The following CEPT1 variants were observed in gnomAD, a reference collection of about 807,000 sequenced individuals.
CEPT1 encodes choline/ethanolaminephosphotransferase 1.
Under a neutral mutation model 42.6 loss-of-function variants are expected in CEPT1, and 7 were observed. The observed-to-expected ratio is 0.16, with a 90% CI of 0.09 to 0.31. The LOEUF (loss-of-function observed/expected upper bound fraction) is 0.31. CEPT1 is among the 10% of genes least tolerant of loss of function. The pLI is 1.00. For missense variants in CEPT1, 306 were observed against 502.1 expected (o/e 0.61, Z 3.73); for synonymous variants, 171 against 171.9 (o/e 0.99, Z 0.04).
chr1:111,161,330 C>G (rs1395858065), intron 4 of CEPT1, 34 bp downstream of exon 4: 7 of 1,564,144 alleles, frequency 4.5e-6, no homozygotes, highest in Non-Finnish European at 6.1e-6. Context: ...TTTGTTTTCT[C>G]TTTCACATAT....
At chr1:111,170,223 T>A (rs1656352876) in intron 4 of CEPT1, among the ~76,000 whole-genome samples, 1 of 152,154 alleles carries the variant, frequency 6.6e-6, no homozygotes, top group Non-Finnish European at 1.5e-5. Flanking sequence ...GACTGCCCTT[T>A]AAATTTAAGA....
Position 111,183,596 on chromosome 1 carries a change from T to G in CEPT1, c.1131+9T>G. 3 of 1,609,464 alleles carry G rather than the reference T, an allele frequency of 1.9e-6. No homozygotes were observed. The highest frequency in any genetic ancestry group is 2.5e-6 in the Non-Finnish European group (3 of 1,176,474). ...TACTTTGGATTGCCCTGGTAAGTATTGTACTAAGTCTTATTTCATGGTTTG... is the reference window on the plus strand; with the variant it reads ...TACTTTGGATTGCCCTGGTAAGTATGGTACTAAGTCTTATTTCATGGTTTG... On this transcript the variant is annotated intron_variant, in intron 8 of 8. Coordinates refer to ENST00000357172, the MANE Select transcript of CEPT1 (RefSeq NM_006090.5).
intron 4 of CEPT1, among the ~76,000 whole-genome samples, chr1:111,171,200 A>G (rs1010477965): frequency 2.0e-5 from 3 of 152,332 alleles, no homozygotes; most frequent in East Asian, 3.9e-4. Context: ...CTGATAAACA[A>G]AAATGGAAAC....
intron 2 of CEPT1, among the ~76,000 whole-genome samples, chr1:111,158,520 G>A (rs547839231): frequency 1.1e-4 from 16 of 152,298 alleles, no homozygotes; most frequent in African/African-American, 3.6e-4. Context: ...GCCCATTGAA[G>A]AGATGTTTAA....
chr1:111,160,953 T>TTA (rs1236120144), intron 3 of CEPT1: 2 of 455,482 alleles, frequency 4.4e-6, no homozygotes, highest in South Asian at 2.5e-5. Flanking sequence ...AGTGATTTGG[T>TTA]AAAAAAAAAA....
At chr1:111,158,749 G>A (rs1655705714) in intron 2 of CEPT1, among the ~76,000 whole-genome samples, 1 of 151,970 alleles carries the variant, frequency 6.6e-6, no homozygotes, top group Non-Finnish European at 1.5e-5. Flanking sequence ...TATGATTTTG[G>A]AAAAAATTCA....
chr1:111,182,416 T>C, intron 6 of CEPT1, 98 bp downstream of exon 6: 2 of 1,273,878 alleles, frequency 1.6e-6, no homozygotes, highest in South Asian at 1.4e-5. Context: ...CATTTGTTAA[T>C]TTATAATTTA....
At chr1:111,146,432 T>TTC (rs1654970849) in intron 1 of CEPT1, among the ~76,000 whole-genome samples, 1 of 152,186 alleles carries the variant, frequency 6.6e-6, no homozygotes. Flanking sequence ...GTACCAGTAA[T>TTC]CTCTAGCTGT....
intron 4 of CEPT1, among the ~76,000 whole-genome samples, chr1:111,172,855 C>G (rs1362667726): frequency 6.6e-6 from 1 of 152,162 alleles, no homozygotes; most frequent in Non-Finnish European, 1.5e-5. Flanking sequence ...GTAAGTTTTC[C>G]TGGCCCTCTC....
chr1:111,158,497 G>A (rs536573137), intron 2 of CEPT1, among the ~76,000 whole-genome samples: 1 of 152,242 alleles, frequency 6.6e-6, no homozygotes, highest in Admixed American at 6.5e-5. Flanking sequence ...TCATTTCCTA[G>A]TGTTATTTAA....
chr1:111,169,064 G>T (rs1656286497), intron 4 of CEPT1, among the ~76,000 whole-genome samples: 1 of 152,122 alleles, frequency 6.6e-6, no homozygotes, highest in Non-Finnish European at 1.5e-5. Flanking sequence ...GTAAATAGTT[G>T]TTATACTATA....
chr1:111,166,139 G>A (rs900209564), intron 4 of CEPT1, among the ~76,000 whole-genome samples: 8 of 151,940 alleles, frequency 5.3e-5, no homozygotes, highest in Non-Finnish European at 1.2e-4. Flanking sequence ...CCTCAGCTCC[G>A]TTCGTTTAAT....
intron 2 of CEPT1, among the ~76,000 whole-genome samples, chr1:111,156,089 T>C (rs932272819): frequency 6.6e-6 from 1 of 152,224 alleles, no homozygotes; most frequent in African/African-American, 2.4e-5. Flanking sequence ...TTGTAGGTTT[T>C]GGTATTTTGT....
chr1:111,152,892 T>C (rs1423757860), intron 2 of CEPT1, among the ~76,000 whole-genome samples: 1 of 152,344 alleles, frequency 6.6e-6, no homozygotes, highest in African/African-American at 2.4e-5. Context: ...TACAGTGTTA[T>C]ATTTTAAAAC....
intron 2 of CEPT1, among the ~76,000 whole-genome samples, chr1:111,148,748 A>G (rs1344161764): frequency 6.6e-6 from 1 of 152,240 alleles, no homozygotes; most frequent in Non-Finnish European, 1.5e-5. Context: ...AGAACTCTTT[A>G]TCAGAATAGA....
intron 5 of CEPT1, chr1:111,178,679 A>G (rs1656823229): frequency 6.6e-6 from 1 of 152,170 alleles, no homozygotes; most frequent in Non-Finnish European, 1.5e-5. Context: ...TAATCAACTC[A>G]TGGTTACTTT....
At chr1:111,161,418 T>A in intron 4 of CEPT1, 122 bp downstream of exon 4, 1 of 892,538 alleles carries the variant, frequency 1.1e-6, no homozygotes, top group Non-Finnish European at 1.7e-6. Flanking sequence ...TTAAAAAATT[T>A]ATGCTTCATT....
chr1:111,181,361 G>C (rs1434144565), intron 5 of CEPT1: 3 of 152,070 alleles, frequency 2.0e-5, no homozygotes, highest in Non-Finnish European at 2.9e-5. Flanking sequence ...AAAAAGAAGA[G>C]ACTCTTAAAT....
chr1:111,158,405 G>A (rs1329282241), intron 2 of CEPT1, among the ~76,000 whole-genome samples: 1 of 152,084 alleles, frequency 6.6e-6, no homozygotes, highest in Non-Finnish European at 1.5e-5. Context: ...TTCAATTTCT[G>A]TTTGGGAAAA....
Sources: gnomAD v4.1 joint callset for allele counts (sites outside exome capture counted in the v4.1 genomes callset) on GRCh38, gnomAD v4.1.1 for gene constraint, MANE v1.5 for transcripts, NCBI Gene and HGNC (gene_info 2026-07-23, HGNC 2026-07-21) for gene names.